The following SGCG variants were observed in gnomAD, a reference collection of about 807,000 sequenced individuals.
SGCG encodes the protein gamma-sarcoglycan.
SGCG carries 26 observed loss-of-function variants against 29.3 expected under a neutral mutation model. That is an observed-to-expected ratio of 0.89 (90% CI 0.65 to 1.23). The LOEUF (loss-of-function observed/expected upper bound fraction) is 1.23. SGCG is among the 50% of genes most tolerant of loss of function. The pLI is 0.00. For missense variants in SGCG, 353 were observed against 356.0 expected, an observed-to-expected ratio of 0.99 and a Z score of 0.07; for synonymous variants, 145 against 129.7, an observed-to-expected ratio of 1.12 and a Z score of -0.80.
chr13:23,305,316 T>C (rs887961849), intron 6 of SGCG, among the ~76,000 whole-genome samples: 12 of 152,226 alleles, frequency 7.9e-5, no homozygotes, highest in Non-Finnish European at 1.2e-4. Context: ...TATTACATCA[T>C]CATTATTCCC....
Position 23,287,957 on chromosome 13 carries a change from G to A in SGCG, c.506-7458G>A, listed in dbSNP as rs944223678. ...TTCAGAAGAGATGGGGTTTCACCAT[G>A]TTAGCCAGGATGGTCTTGATCTCTT... On this transcript the variant is annotated intron_variant, in intron 5 of 7. Transcript: ENST00000218867. 2.0e-5 allele frequency among the ~76,000 whole-genome samples: 3 copies of A among 152,266 alleles called. No individual in the cohort carries two copies. The East Asian group carries it at 5.8e-4, about 29-fold the overall frequency.
chr13:23,309,455 T>A (rs1228943515), intron 6 of SGCG, among the ~76,000 whole-genome samples: 1 of 152,162 alleles, frequency 6.6e-6, no homozygotes, highest in Non-Finnish European at 1.5e-5. Flanking sequence ...TCCATTAAGA[T>A]GATGATAGTG....
Position 23,214,869 on chromosome 13 carries a change from A to G in SGCG, c.195+10980A>G, listed in dbSNP as rs1157101541. Among the ~76,000 whole-genome samples, 5 of 152,334 alleles carry G rather than the reference A, an allele frequency of 3.3e-5. No homozygotes were observed. The East Asian group carries it at 9.6e-4, about 29-fold the overall frequency. ...ATCAGTGCTTTCCAGTCCAAAAATC[A>G]TTAGAAGACAAGATATTATTAGGAC... On this transcript the variant is annotated intron_variant, in intron 2 of 7. Coordinates refer to ENST00000218867, the MANE Select transcript of SGCG (RefSeq NM_000231.3).
chr13:23,167,997 A>C, the SGCG span, among the ~76,000 whole-genome samples: 1 of 152,166 alleles, frequency 6.6e-6, no homozygotes, highest in Non-Finnish European at 1.5e-5. Flanking sequence ...TCGATCTCCC[A>C]AAGTGCTGAG....
intron 4 of SGCG, among the ~76,000 whole-genome samples, chr13:23,257,211 C>T (rs1215111347): frequency 1.3e-5 from 2 of 152,100 alleles, no homozygotes; most frequent in African/African-American, 4.8e-5. Context: ...CCTTTGCCCA[C>T]GTTTTTGATT....
chr13:23,208,157 A>G (rs1878050280), intron 2 of SGCG, among the ~76,000 whole-genome samples: 1 of 152,124 alleles, frequency 6.6e-6, no homozygotes, highest in Non-Finnish European at 1.5e-5. Context: ...CTACCATATA[A>G]TTATTTACCC....
chr13:23,278,105 A>G (rs1420160587), intron 4 of SGCG, among the ~76,000 whole-genome samples: 1 of 152,054 alleles, frequency 6.6e-6, no homozygotes, highest in Non-Finnish European at 1.5e-5. Context: ...AACTGCTAGG[A>G]CTACTGGTGT....
chr13:23,172,346 ATC>A, the SGCG span, among the ~76,000 whole-genome samples: 1 of 152,224 alleles, frequency 6.6e-6, no homozygotes, highest in Non-Finnish European at 1.5e-5. Flanking sequence ...TCACTGACAT[ATC>A]TCAATATGTG....
chr13:23,319,079 C>A (rs946974876), intron 6 of SGCG, among the ~76,000 whole-genome samples: 2 of 152,150 alleles, frequency 1.3e-5, no homozygotes, highest in Non-Finnish European at 2.9e-5. Flanking sequence ...GCGGGTGGAT[C>A]CCGAGGTCAG....
intron 2 of SGCG, among the ~76,000 whole-genome samples, chr13:23,212,389 A>G (rs887100739): frequency 1.4e-4 from 12 of 85,042 alleles, no homozygotes; most frequent in Admixed American, 5.6e-4. Flanking sequence ...ATAGCACACC[A>G]CAATTTTCTG....
chr13:23,310,217 G>T (rs1233381891), intron 6 of SGCG, among the ~76,000 whole-genome samples: 1 of 151,008 alleles, frequency 6.6e-6, no homozygotes, highest in Non-Finnish European at 1.5e-5. Flanking sequence ...CTCCCAAGTA[G>T]CTGGGACTAC....
chr13:23,170,139 C>G, the SGCG span: 2 of 152,202 alleles, frequency 1.3e-5, no homozygotes, highest in African/African-American at 4.8e-5. Flanking sequence ...TCTCTGTGAA[C>G]AAGAGAATAT....
At chr13:23,241,179 C>T (rs1222574721) in intron 3 of SGCG, among the ~76,000 whole-genome samples, 1 of 145,820 alleles carries the variant, frequency 6.9e-6, no homozygotes, top group Non-Finnish European at 1.5e-5. Flanking sequence ...AGAAGAAAAT[C>T]GATGACCTCA....
At chr13:23,258,416 G>A (rs1243355017) in intron 4 of SGCG, among the ~76,000 whole-genome samples, 1 of 152,180 alleles carries the variant, frequency 6.6e-6, no homozygotes, top group Non-Finnish European at 1.5e-5. Flanking sequence ...AGACATTGCT[G>A]AAGTTGCTTA....
At chr13:23,193,066 G>C (rs1209778843) in intron 1 of SGCG, among the ~76,000 whole-genome samples, 1 of 152,216 alleles carries the variant, frequency 6.6e-6, no homozygotes, top group Non-Finnish European at 1.5e-5. Context: ...CAGGATAAAA[G>C]GGACAAGAGC....
intron 6 of SGCG, among the ~76,000 whole-genome samples, chr13:23,306,642 A>G (rs1882370999): frequency 6.6e-6 from 1 of 152,204 alleles, no homozygotes; most frequent in African/African-American, 2.4e-5. Flanking sequence ...TGTATATTTT[A>G]TTTGTCACAA....
the SGCG span, among the ~76,000 whole-genome samples, chr13:23,172,331 GA>G: frequency 1.3e-5 from 2 of 152,038 alleles, no homozygotes; most frequent in Non-Finnish European, 2.9e-5. Context: ...TAACACTTAG[GA>G]AAGTCACTGA....
chr13:23,200,985 A>T (rs1391704121), intron 1 of SGCG, among the ~76,000 whole-genome samples: 2 of 152,110 alleles, frequency 1.3e-5, no homozygotes, highest in Admixed American at 6.5e-5. Context: ...CTCTGAGTGA[A>T]ATGGGAAGCC....
chr13:23,172,077 T>C, the SGCG span, among the ~76,000 whole-genome samples: 1 of 152,236 alleles, frequency 6.6e-6, no homozygotes, highest in African/African-American at 2.4e-5. Flanking sequence ...CCACTACCTC[T>C]TACTCCTGGA....
Sources: allele counts gnomAD v4.1 joint callset (sites outside exome capture counted in the v4.1 genomes callset), GRCh38; gene constraint gnomAD v4.1.1; transcripts MANE v1.5; gene names NCBI Gene and HGNC (gene_info 2026-07-23, HGNC 2026-07-21).